TBL1Y: variants seen among roughly 807,000 people sequenced by gnomAD.
TBL1Y encodes the protein F-box-like/WD repeat-containing protein TBL1Y.
TBL1Y carries 15 observed loss-of-function variants against 12.0 expected under a neutral mutation model. That is an observed-to-expected ratio of 1.25 (90% CI 0.83 to 1.92). The LOEUF is 1.92. TBL1Y is among the 40% of genes most tolerant of loss of function. TBL1Y has a pLI of 0.00. For synonymous variants in TBL1Y, 53 were observed against 42.6 expected, an observed-to-expected ratio of 1.24 and a Z score of -0.95; for missense variants, 148 against 116.7, an observed-to-expected ratio of 1.27 and a Z score of -1.24.
chrY:7,042,698 T>A, intron 6 of TBL1Y, among the ~76,000 whole-genome samples: 2 of 32,795 alleles, frequency 6.1e-5, no homozygotes, highest in African/African-American at 1.2e-4. Flanking sequence ...TGCCCTGGTC[T>A]CTGCTTTATT....
At chrY:7,063,581 C>T (rs1603046748) in intron 7 of TBL1Y, among the ~76,000 whole-genome samples, 1 of 32,204 alleles carries the variant, frequency 3.1e-5, no homozygotes, top group African/African-American at 1.3e-4. Context: ...AGCAGGTAAT[C>T]TGAATGAGTC....
chrY:6,994,169 C>T lies in TBL1Y; in HGVS notation c.-234-1635C>T. 9.1e-5 allele frequency among the ~76,000 whole-genome samples: 3 copies of T among 33,075 alleles called. No individual in the cohort carries two copies. The South Asian group carries it at 2.1e-3, about 23-fold the overall frequency. 88.7% of individuals were successfully genotyped at this position (33,075 alleles called of 37,273 possible). A position where few individuals can be genotyped will look rare whatever the true frequency, so the allele number is the denominator to read the frequency against. ...ATGCTTGTCTTCATCCACCTGGGAGCAGTCACTGTGAATGAGAAGCCCCAG... is the reference window on the plus strand; with the variant it reads ...ATGCTTGTCTTCATCCACCTGGGAGTAGTCACTGTGAATGAGAAGCCCCAG... On this transcript the variant is annotated intron_variant, in intron 3 of 18. Transcript: ENST00000383032.
chrY:7,012,879 G>C (rs2012528504), intron 4 of TBL1Y, among the ~76,000 whole-genome samples: 1 of 34,459 alleles, frequency 2.9e-5, no homozygotes, highest in East Asian at 7.7e-4. Flanking sequence ...CTGTAAGCCT[G>C]TGTCTTCTAC....
intron 5 of TBL1Y, among the ~76,000 whole-genome samples, chrY:7,024,362 C>A (rs2012609651): frequency 3.0e-5 from 1 of 33,408 alleles, no homozygotes; most frequent in African/African-American, 1.2e-4. Flanking sequence ...ACACTCCCAC[C>A]AACAATGTAA....
intron 3 of TBL1Y, among the ~76,000 whole-genome samples, chrY:6,991,730 G>A: frequency 6.0e-5 from 2 of 33,582 alleles, no homozygotes; most frequent in Non-Finnish European, 1.5e-4. Flanking sequence ...TGTTGGTTAA[G>A]CCACCCCACT....
At chrY:7,044,018 C>T in intron 7 of TBL1Y, among the ~76,000 whole-genome samples, 2 of 32,800 alleles carry the variant, frequency 6.1e-5, no homozygotes, top group South Asian at 7.0e-4. Flanking sequence ...TATCCCATCC[C>T]GCTTTTTAGA....
chrY:7,030,373 G>A, intron 6 of TBL1Y, among the ~76,000 whole-genome samples: 1 of 33,979 alleles, frequency 2.9e-5, no homozygotes. Context: ...TCCATGGGCA[G>A]ACGTGAATGT....
chrY:6,968,350 C>G (rs993675118), intron 2 of TBL1Y, among the ~76,000 whole-genome samples: 1 of 33,030 alleles, frequency 3.0e-5, no homozygotes, highest in African/African-American at 1.2e-4. Context: ...CACAGGGTTT[C>G]TTTTGGAAGT....
At chrY:7,026,371 A>G in intron 6 of TBL1Y, among the ~76,000 whole-genome samples, 1 of 33,600 alleles carries the variant, frequency 3.0e-5, no homozygotes, top group Non-Finnish European at 7.4e-5. Context: ...CTAATACCTC[A>G]ACCTTGGCTC....
chrY:7,029,098 A>G, intron 6 of TBL1Y, among the ~76,000 whole-genome samples: 1 of 33,120 alleles, frequency 3.0e-5, no homozygotes, highest in Non-Finnish European at 7.4e-5. Flanking sequence ...TAAAGAAGAC[A>G]TGTTCTTCCA....
At chrY:7,012,559 T>G in intron 4 of TBL1Y, among the ~76,000 whole-genome samples, 1 of 34,332 alleles carries the variant, frequency 2.9e-5, no homozygotes, top group Non-Finnish European at 7.3e-5. Context: ...ATTCTCATTG[T>G]GCAGAAGTAG....
chrY:6,924,134 T>C (rs2011804740), intron 2 of TBL1Y, among the ~76,000 whole-genome samples: 1 of 33,308 alleles, frequency 3.0e-5, no homozygotes, highest in African/African-American at 1.2e-4. Flanking sequence ...AATACTTTAA[T>C]ATAGTGATAC....
chrY:6,958,852 AAC>A (rs2012091053), intron 2 of TBL1Y, among the ~76,000 whole-genome samples: 1 of 34,071 alleles, frequency 2.9e-5, no homozygotes, highest in Admixed American at 2.6e-4. Flanking sequence ...GAATTGAACA[AAC>A]GTACAATCAG....
chrY:6,932,376 G>A (rs2011870770), intron 2 of TBL1Y, among the ~76,000 whole-genome samples: 1 of 34,384 alleles, frequency 2.9e-5, no homozygotes, highest in African/African-American at 1.1e-4. Context: ...AGATATAAGT[G>A]ACATAGAAGT....
chrY:7,088,987 T>G, intron 17 of TBL1Y, among the ~76,000 whole-genome samples: 1 of 32,979 alleles, frequency 3.0e-5, no homozygotes, highest in Non-Finnish European at 7.4e-5. Flanking sequence ...TTATAAAAAC[T>G]TTTAAAATTA....
chrY:6,915,514 C>A, intron 2 of TBL1Y, among the ~76,000 whole-genome samples: 3 of 33,453 alleles, frequency 9.0e-5, no homozygotes, highest in African/African-American at 3.5e-4. Context: ...AGGGGAAAAA[C>A]CGAACTGTGT....
intron 14 of TBL1Y, among the ~76,000 whole-genome samples, chrY:7,081,408 C>T (rs868142455): frequency 1.1e-3 from 38 of 33,414 alleles, no homozygotes; most frequent in Non-Finnish European, 7.4e-4. Context: ...GCAGTGACTG[C>T]GATCACACCA....
intron 4 of TBL1Y, among the ~76,000 whole-genome samples, chrY:7,016,930 T>C (rs2012554463): frequency 2.9e-5 from 1 of 33,991 alleles, no homozygotes; most frequent in South Asian, 6.5e-4. Flanking sequence ...CGAATGCTCA[T>C]AGTAGCATGG....
intron 3 of TBL1Y, among the ~76,000 whole-genome samples, chrY:6,990,982 T>G: frequency 9.0e-5 from 3 of 33,165 alleles, no homozygotes; most frequent in Non-Finnish European, 1.5e-4. Flanking sequence ...TTCATCTCCT[T>G]CCTAAAATGC....
Sources: gnomAD v4.1 joint callset for allele counts (sites outside exome capture counted in the v4.1 genomes callset) on GRCh38, gnomAD v4.1.1 for gene constraint, MANE v1.5 for transcripts, NCBI Gene and HGNC (gene_info 2026-07-23, HGNC 2026-07-21) for gene names.